Variants in ZNF562 observed in about 807,000 individuals in gnomAD.
The protein encoded by ZNF562 is zinc finger protein 562.
Under a neutral mutation model 17.5 loss-of-function variants are expected in ZNF562, and 13 were observed. That is an observed-to-expected ratio of 0.74 (90% CI 0.48 to 1.18). The LOEUF is 1.18. Ranked by LOEUF, ZNF562 falls within the 50% of genes most tolerant of loss-of-function variation. ZNF562 has a pLI of 0.00. For missense variants in ZNF562, 481 were observed against 498.5 expected, an observed-to-expected ratio of 0.96 and a Z score of 0.33; for synonymous variants, 163 against 165.4, an observed-to-expected ratio of 0.99 and a Z score of 0.11.
In ZNF562 at chr19:9,657,925, C is replaced by A. The variant is rs571889647; in HGVS notation, c.241+84G>T. Reference sequence around the variant, plus strand: ...ATGCTAGTATCAAACTCCCAGGCTCCAGCGATTCTCCCACCTCAGCCTCCC... The same window carrying A: ...ATGCTAGTATCAAACTCCCAGGCTCAAGCGATTCTCCCACCTCAGCCTCCC... On this transcript the variant is annotated intron_variant, in intron 4 of 5. Coordinates refer to ENST00000453372, the MANE Select transcript of ZNF562 (RefSeq NM_001130031.2). 6 of 1,486,816 alleles carry A rather than the reference C, an allele frequency of 4.0e-6. No homozygotes were observed. In the East Asian group the frequency reaches 1.2e-4, roughly 29 times the overall value. The allele number at this position is 1,486,816 out of a possible 1,614,324, so 92.1% of individuals were successfully genotyped here. A position where few individuals can be genotyped will look rare whatever the true frequency, so the allele number is the denominator to read the frequency against.
chr19:9,648,145 T>C lies in ZNF562; in HGVS notation c.*4804A>G, dbSNP rs2074821946. On this transcript the variant is annotated 3_prime_UTR_variant, in exon 6 of 6. Coordinates refer to ENST00000453372, the MANE Select transcript of ZNF562 (RefSeq NM_001130031.2). ...ACAAATATCATTAAGGGACAATTTT[T>C]TAAAAATCACAATGTTATTCAAACA... The C allele has an allele frequency of 6.6e-6, 1 of 152,182 alleles. No homozygotes were observed. Among genetic ancestry groups the C allele is most frequent in the African/African-American group, 2.4e-5 (1 of 41,440 alleles). The allele number at this position is 152,182 out of a possible 1,614,324, so 9.4% of individuals were successfully genotyped here.
At chr19:9,661,766 G>A (rs996697790) in intron 1 of ZNF562, among the ~76,000 whole-genome samples, 2 of 152,242 alleles carry the variant, frequency 1.3e-5, no homozygotes, top group Non-Finnish European at 1.5e-5. Context: ...TCGCACTCCA[G>A]CCCAGGTGAC....
In ZNF562 at chr19:9,646,407, TAA is replaced by T. The variant is rs2074806900; in HGVS notation, c.*6540_*6541del. ...TTTAAAACTCCAGCTAAAGTATGTA[TAA>T]AAAGACACATTTTTTTAAAAAGCAT... On this transcript the variant is annotated 3_prime_UTR_variant, in exon 6 of 6. Coordinates refer to ENST00000453372, the MANE Select transcript of ZNF562 (RefSeq NM_001130031.2). 6.6e-6 allele frequency: 1 copy of T among 152,028 alleles called. No individual in the cohort carries two copies. Among genetic ancestry groups the T allele is most frequent in the African/African-American group, 2.4e-5 (1 of 41,378 alleles). The allele number at this position is 152,028 out of a possible 1,614,324, so 9.4% of individuals were successfully genotyped here.
At chr19:9,669,312 A>G (rs1252988506) in intron 1 of ZNF562, among the ~76,000 whole-genome samples, 1 of 152,198 alleles carries the variant, frequency 6.6e-6, no homozygotes, top group African/African-American at 2.4e-5. Flanking sequence ...TGTTTCTCAA[A>G]AAAAAGACAT....
At chr19:9,664,281 A>T (rs1182712152) in intron 1 of ZNF562, among the ~76,000 whole-genome samples, 1 of 152,056 alleles carries the variant, frequency 6.6e-6, no homozygotes, top group Non-Finnish European at 1.5e-5. Context: ...GTTGGTCTGG[A>T]TGGTCTGGAA....
At chr19:9,672,736 A>G (rs1431675639) in intron 1 of ZNF562, among the ~76,000 whole-genome samples, 15 of 151,604 alleles carry the variant, frequency 9.9e-5, no homozygotes, top group Admixed American at 9.9e-4. Context: ...TACAGACCTA[A>G]GAACTTCAGA....
chr19:9,656,871 A>AAAATAT (rs376933513), intron 4 of ZNF562, among the ~76,000 whole-genome samples: 17 of 142,436 alleles, frequency 1.2e-4, no homozygotes, highest in Admixed American at 3.6e-4. Context: ...AAAATACAAA[A>AAAATAT]ATATATATAT....
Position 9,653,593 on chromosome 19 carries a change from A to C in ZNF562, c.637T>G (p.Phe213Val). The change falls in exon 6 of 6, where the codon TTT (phenylalanine) becomes GTT (valine). Residue 213 changes from phenylalanine (F) to valine (V), a missense_variant. Phe to Val is a conservative substitution (Grantham distance 50, BLOSUM62 -1). Around this residue, in one of 2 missense-constraint regions of ZNF562, gnomAD observed 403 missense variants for 386.4 expected, o/e 1.04. Coordinates refer to ENST00000453372, the MANE Select transcript of ZNF562 (RefSeq NM_001130031.2). ...PYKCKECGKGFKYFASLDNHM... is the reference protein window; with the variant it reads ...PYKCKECGKGVKYFASLDNHM... Reference sequence around the variant, plus strand: ...TTATCAAGGCTTGCAAAATACTTAAAGCCTTTTCCACATTCCTTACATTTG... The same window carrying C: ...TTATCAAGGCTTGCAAAATACTTAACGCCTTTTCCACATTCCTTACATTTG... 1 of 1,614,166 alleles carries C rather than the reference A, an allele frequency of 6.2e-7. No individual in the cohort carries two copies. The highest frequency in any genetic ancestry group is 1.1e-5 in the South Asian group (1 of 91,086).
At chr19:9,663,084 G>A (rs974907891) in intron 1 of ZNF562, among the ~76,000 whole-genome samples, 6 of 151,396 alleles carry the variant, frequency 4.0e-5, no homozygotes, top group Non-Finnish European at 8.8e-5. Flanking sequence ...TGTAGATAAT[G>A]GCCTTATCTC....
At chr19:9,660,100 A>AC (rs2043680995) in intron 2 of ZNF562, among the ~76,000 whole-genome samples, 1 of 148,244 alleles carries the variant, frequency 6.7e-6, no homozygotes, top group African/African-American at 2.5e-5. Context: ...AAAAAAAAAA[A>AC]AAAAAAAAAA....
Position 9,644,871 on chromosome 19 carries a change from A to G in ZNF562, c.*8078T>C, listed in dbSNP as rs1285761855. Reference sequence around the variant, plus strand: ...ATGACATTTGGGTGGGGACACAGCCAAACCATATCAGCTGGCAACTTGCTT... The same window carrying G: ...ATGACATTTGGGTGGGGACACAGCCGAACCATATCAGCTGGCAACTTGCTT... On this transcript the variant is annotated 3_prime_UTR_variant, in exon 6 of 6. Transcript: ENST00000453372. The G allele has an allele frequency of 6.6e-6, 1 of 152,186 alleles. No individual in the cohort carries two copies. The highest frequency in any genetic ancestry group is 1.9e-4 in the East Asian group (1 of 5,192). 9.4% of individuals were successfully genotyped at this position (152,186 alleles called of 1,614,324 possible).
Position 9,643,034 on chromosome 19 carries a change from A to G in ZNF562, c.*9915T>C, listed in dbSNP as rs1259847982. The G allele has an allele frequency of 7.5e-6, 1 of 134,046 alleles. No homozygotes were observed. The highest frequency in any genetic ancestry group is 1.6e-5 in the Non-Finnish European group (1 of 63,156). The allele number at this position is 134,046 out of a possible 1,614,324, so 8.3% of individuals were successfully genotyped here. ...TCCAGCCTAGGTGACATGGCAAGAC[A>G]CTGTCTCTGGAAAAAAAAAAAAAAA... is the stretch of plus-strand genomic sequence containing the variant. On this transcript the variant is annotated 3_prime_UTR_variant, in exon 6 of 6. Transcript: ENST00000453372.
intron 1 of ZNF562, chr19:9,674,652 T>G (rs1286536822): frequency 2.0e-5 from 3 of 152,106 alleles, no homozygotes; most frequent in East Asian, 3.9e-4. Flanking sequence ...CCGGAAGAGA[T>G]AGGTTCCAGA....
At chr19:9,671,697 G>T (rs941201137) in intron 1 of ZNF562, among the ~76,000 whole-genome samples, 2 of 152,202 alleles carry the variant, frequency 1.3e-5, no homozygotes, top group Non-Finnish European at 1.5e-5. Context: ...GATACTCAAC[G>T]TGTCCATGTT....
rs151139057 is a variant in ZNF562, at chr19:9,673,463, A to C, written c.-131+1552T>G. On this transcript the variant is annotated intron_variant, in intron 1 of 5. Transcript: ENST00000453372. ...CAGGGGCCCACCACCAAGCCCGGCT[A>C]ATTTTTGTATTTTTAGTAGAGACAG... Among the ~76,000 whole-genome samples, 1,307 of 152,078 alleles carry C rather than the reference A, an allele frequency of 8.6e-3. 19 individuals are homozygous for C. Among genetic ancestry groups the C allele is most frequent in the African/African-American group, 0.03 (1,230 of 41,492 alleles).
rs1224099980 is a variant in ZNF562 at position 9,645,712 on chromosome 19, T to C, written c.*7237A>G. On this transcript the variant is annotated 3_prime_UTR_variant, in exon 6 of 6. Coordinates refer to ENST00000453372, the MANE Select transcript of ZNF562 (RefSeq NM_001130031.2). ...TCTTTCTGCCACCAGATCTGTCTAA[T>C]AGCTTGTGTGACAATGCACTTCCTT... is the stretch of plus-strand genomic sequence containing the variant. The C allele has an allele frequency of 6.6e-6, 1 of 152,204 alleles. No homozygotes were observed. The highest frequency in any genetic ancestry group is 1.5e-5 in the Non-Finnish European group (1 of 68,054). 9.4% of individuals were successfully genotyped at this position (152,204 alleles called of 1,614,324 possible). A position where few individuals can be genotyped will look rare whatever the true frequency, so the allele number is the denominator to read the frequency against.
intron 1 of ZNF562, among the ~76,000 whole-genome samples, chr19:9,673,207 T>C (rs2044264528): frequency 6.6e-6 from 1 of 152,134 alleles, no homozygotes; most frequent in Non-Finnish European, 1.5e-5. Flanking sequence ...TCAGTTTAGA[T>C]TCTGCGGTCT....
intron 1 of ZNF562, among the ~76,000 whole-genome samples, chr19:9,672,775 TTC>T (rs1363044296): frequency 1.1e-4 from 15 of 138,514 alleles, no homozygotes; most frequent in African/African-American, 3.8e-4. Flanking sequence ...ATTATTGCCT[TTC>T]TTTTTTTTTT....
rs1007808005 is a variant in ZNF562 at position 9,647,109 on chromosome 19, T to TTC, written c.*5838_*5839dup. 1 of 145,598 alleles carries TTC rather than the reference T, an allele frequency of 6.9e-6. No homozygotes were observed. Among genetic ancestry groups the TTC allele is most frequent in the Admixed American group, 6.9e-5 (1 of 14,528 alleles). The allele number at this position is 145,598 out of a possible 1,614,324, so 9.0% of individuals were successfully genotyped here. On this transcript the variant is annotated 3_prime_UTR_variant, in exon 6 of 6. Transcript: ENST00000453372. ...TCTTTTTTTTTTTTTTTGAGACGGA[T>TTC]TCTCGCTCTGTCGTCAGGCTGGAGT...
Sources: allele counts gnomAD v4.1 joint callset (sites outside exome capture counted in the v4.1 genomes callset), GRCh38; gene constraint gnomAD v4.1.1; regional missense constraint gnomAD v4.1.1; transcripts MANE v1.5; gene names NCBI Gene and HGNC (gene_info 2026-07-23, HGNC 2026-07-21).